Variants in SORCS2 observed in about 807,000 individuals in gnomAD.
SORCS2 encodes VPS10 domain-containing receptor SorCS2.
Under a neutral mutation model 141.6 loss-of-function variants are expected in SORCS2, and 100 were observed. The ratio of observed to expected loss-of-function variants is 0.71; its 90% CI spans 0.60 to 0.83. The LOEUF (loss-of-function observed/expected upper bound fraction) is 0.83, where lower values mean the gene tolerates loss of function less well. Ranked by LOEUF, SORCS2 falls within the 40% of genes least tolerant of loss-of-function variation. SORCS2 has a pLI of 0.00. For synonymous variants in SORCS2, 789 were observed against 676.9 expected (o/e 1.17, Z -2.57); for missense variants, 1,646 against 1,560.2 (o/e 1.05, Z -0.93).
chr4:7,426,377 C>T (rs538926054), intron 2 of SORCS2, among the ~76,000 whole-genome samples: 67 of 151,100 alleles, frequency 4.4e-4, no homozygotes, highest in Admixed American at 1.3e-3. Flanking sequence ...GCCTTCCCAG[C>T]ACACACTGCC....
intron 2 of SORCS2, among the ~76,000 whole-genome samples, chr4:7,454,272 G>GGT (rs1448843347): frequency 7.9e-6 from 1 of 126,708 alleles, no homozygotes; most frequent in Admixed American, 8.3e-5. Context: ...GTTGGGGTCA[G>GGT]GCTCCGTGTT....
At chr4:7,532,964 T>C (rs540267041) in intron 3 of SORCS2, among the ~76,000 whole-genome samples, 2 of 152,068 alleles carry the variant, frequency 1.3e-5, no homozygotes, top group East Asian at 3.9e-4. Flanking sequence ...TGGAAGGCCA[T>C]GTCTCGGCGT....
chr4:7,333,267 T>C (rs2108971151), intron 1 of SORCS2, among the ~76,000 whole-genome samples: 1 of 152,322 alleles, frequency 6.6e-6, no homozygotes, highest in African/African-American at 2.4e-5. Flanking sequence ...TGTTGCTTCC[T>C]CTGCCCCGGG....
intron 3 of SORCS2, among the ~76,000 whole-genome samples, chr4:7,550,132 ATGTGTGTGTGTGTG>A (rs36213889): frequency 7.0e-6 from 1 of 142,222 alleles, no homozygotes; most frequent in South Asian, 2.2e-4. Flanking sequence ...GTATGTGTGT[ATGTGTGTGTGTGTG>A]TGTGTGTGTG....
chr4:7,403,961 G>GTATGTATATATATATATATA (rs1724757831), intron 2 of SORCS2, among the ~76,000 whole-genome samples: 2 of 29,892 alleles, frequency 6.7e-5, no homozygotes, highest in African/African-American at 2.1e-4. Flanking sequence ...CTCCATGTGT[G>GTATGTATATATATATATATA]TATATATATA....
At chr4:7,688,451 C>G (rs1186756046) in intron 10 of SORCS2, among the ~76,000 whole-genome samples, 4 of 152,172 alleles carry the variant, frequency 2.6e-5, no homozygotes, top group African/African-American at 9.7e-5. Flanking sequence ...GTTTACCATT[C>G]TTATCAGTAA....
Position 7,239,333 on chromosome 4 carries a change from C to T in SORCS2, c.480+46207C>T, listed in dbSNP as rs543570378. Among the ~76,000 whole-genome samples the T allele has an allele frequency of 5.9e-5, 9 of 152,342 alleles. 1 individual carries two copies. The South Asian group carries it at 8.3e-4, about 14-fold the overall frequency. On this transcript the variant is annotated intron_variant, in intron 1 of 26. Coordinates refer to ENST00000507866, the MANE Select transcript of SORCS2 (RefSeq NM_020777.3). ...GCAGGGCTGTGGCCGGGAGGGCCCC[C>T]GACCTCCTTTGGACTGCCAGGAGCA...
At position 7,548,633 on chromosome 4, in the gene SORCS2, C is replaced by T. The variant is rs553559703; in HGVS notation, c.648+17004C>T. 4.6e-5 allele frequency among the ~76,000 whole-genome samples: 7 copies of T among 152,194 alleles called. No homozygotes were observed. In the South Asian group the frequency reaches 1.5e-3, roughly 32 times the overall value. ...GGGCATCTTGTGCCAGAGGGCGGCT[C>T]ACAGTCATGTGACAGTGTGCCTCAC... On this transcript the variant is annotated intron_variant, in intron 3 of 26. Transcript: ENST00000507866.
At position 7,192,849 on chromosome 4, in the gene SORCS2, C is replaced by T. The variant is rs944049171; in HGVS notation, c.203C>T (p.Pro68Leu). ...CCTCACGCCCAACTGACCCGGGTGC[C>T]GCGGAGCCCTCCCGCGGGGCGCGCG... ...LGPHAQLTRV[P>L]RSPPAGRAEP... The change falls in exon 1 of 27, where the codon CCG becomes CTG. Residue 68 changes from proline (P) to leucine (L), a missense_variant. Transcript: ENST00000507866. This position sits in a 1 kb window ranked among gnomAD's most constrained non-coding sequence, Gnocchi z 4.0. 9.5e-7 allele frequency: 1 copy of T among 1,048,538 alleles called. No individual in the cohort carries two copies. The highest frequency in any genetic ancestry group is 1.7e-5 in the African/African-American group (1 of 58,346). The allele number at this position is 1,048,538 out of a possible 1,614,324, so 65.0% of individuals were successfully genotyped here. A position where few individuals can be genotyped will look rare whatever the true frequency, so the allele number is the denominator to read the frequency against.
chr4:7,423,175 C>G (rs549783798), intron 2 of SORCS2, among the ~76,000 whole-genome samples: 1 of 152,290 alleles, frequency 6.6e-6, no homozygotes, highest in African/African-American at 2.4e-5. Flanking sequence ...GGCTCTGACT[C>G]CGTGCTGTTT....
In SORCS2 at chr4:7,678,275, C is replaced by T. The variant is rs539344685; in HGVS notation, c.1341+2046C>T. Among the ~76,000 whole-genome samples, 24 of 150,018 alleles carry T rather than the reference C, an allele frequency of 1.6e-4. No homozygotes were observed. The South Asian group carries it at 3.0e-3, about 18-fold the overall frequency. ...AGGAACTCAGAGCCACACACACAGG[C>T]ATCAAGGCGAGAGGAAGCAAGGAGC... On this transcript the variant is annotated intron_variant, in intron 9 of 26. Transcript: ENST00000507866.
At chr4:7,731,997 T>C (rs1442332796) in intron 23 of SORCS2, among the ~76,000 whole-genome samples, 1 of 152,104 alleles carries the variant, frequency 6.6e-6, no homozygotes, top group African/African-American at 2.4e-5. Context: ...AAACAATCAG[T>C]GGAGTGAAGA....
intron 1 of SORCS2, among the ~76,000 whole-genome samples, chr4:7,206,306 TG>T (rs1189206741): frequency 6.6e-6 from 1 of 152,160 alleles, no homozygotes; most frequent in Non-Finnish European, 1.5e-5. Flanking sequence ...CCCAAGCGCC[TG>T]GTGCTTAGTA....
At chr4:7,651,768 C>G (rs1355722473) in intron 4 of SORCS2, among the ~76,000 whole-genome samples, 1 of 152,236 alleles carries the variant, frequency 6.6e-6, no homozygotes, top group African/African-American at 2.4e-5. Context: ...GGCCTTGACC[C>G]CCGCAGGGCC....
intron 1 of SORCS2, among the ~76,000 whole-genome samples, chr4:7,375,824 T>C (rs2109056427): frequency 6.6e-6 from 1 of 152,334 alleles, no homozygotes; most frequent in African/African-American, 2.4e-5. Context: ...CTGGGGTTTG[T>C]GTCGAGTGCA....
Position 7,740,726 on chromosome 4 carries a change from C to A in SORCS2, c.*462C>A, listed in dbSNP as rs1214078656. On this transcript the variant is annotated 3_prime_UTR_variant, in exon 27 of 27. Transcript: ENST00000507866. ...TTCTTCACTCCCACCTGTGCGGCCA[C>A]CCAGTCCCTCTGTGGGAGCCCGGGT... is the stretch of plus-strand genomic sequence containing the variant. 2 of 305,588 alleles carry A rather than the reference C, an allele frequency of 6.5e-6. No homozygotes were observed. The highest frequency in any genetic ancestry group is 9.3e-5 in the Admixed American group (2 of 21,524). 18.9% of individuals were successfully genotyped at this position (305,588 alleles called of 1,614,324 possible).
rs534481560 is a variant in SORCS2, at chr4:7,267,604, G to A, written c.480+74478G>A. Among the ~76,000 whole-genome samples, 10 of 152,326 alleles carry A rather than the reference G, an allele frequency of 6.6e-5. No individual in the cohort carries two copies. The South Asian group carries it at 1.9e-3, about 28-fold the overall frequency. On this transcript the variant is annotated intron_variant, in intron 1 of 26. Coordinates refer to ENST00000507866, the MANE Select transcript of SORCS2 (RefSeq NM_020777.3). The stretch of plus-strand genomic sequence containing the variant: ...CCAGCACTTTGGGAGGCTGAGGCAG[G>A]CAGATCACCCGAGGTCAGGAGTTCG...
chr4:7,498,360 C>T lies in SORCS2; in HGVS notation c.549-33170C>T, dbSNP rs1206160297. Among the ~76,000 whole-genome samples the T allele has an allele frequency of 2.0e-5, 3 of 152,318 alleles. No individual in the cohort carries two copies. In the East Asian group the frequency reaches 5.8e-4, roughly 29 times the overall value. On this transcript the variant is annotated intron_variant, in intron 2 of 26. Transcript: ENST00000507866. ...GAGGCCCAGAGTGGGAGCACCTGCCCAGAGGCTGTGTTCCTTAAGTAACTT... is the reference window on the plus strand; with the variant it reads ...GAGGCCCAGAGTGGGAGCACCTGCCTAGAGGCTGTGTTCCTTAAGTAACTT...
At position 7,734,285 on chromosome 4, in the gene SORCS2, G is replaced by A. The variant is rs1198915471; in HGVS notation, c.3222G>A (p.Leu1074=). ...CTTTGCTTGCAGGTGCTGAGCAGCT[G>A]GGCGGCGGTGGCGGCTACTGGGCGG... ...LRDTGTGAEQ[L]GGGGGYWAVV... is the part of the protein sequence containing the mutation. Residue 1074 remains leucine (L), a synonymous_variant, in exon 25 of 27, where the codon CTG becomes CTA. Coordinates refer to ENST00000507866, the MANE Select transcript of SORCS2 (RefSeq NM_020777.3). The A allele has an allele frequency of 6.2e-7, 1 of 1,601,416 alleles. No individual in the cohort carries two copies. Among genetic ancestry groups the A allele is most frequent in the Admixed American group, 1.7e-5 (1 of 58,658 alleles).
Sources: allele counts gnomAD v4.1 joint callset (sites outside exome capture counted in the v4.1 genomes callset), GRCh38; gene constraint gnomAD v4.1.1; non-coding constraint Gnocchi (gnomAD v3.1); transcripts MANE v1.5; gene names NCBI Gene and HGNC (gene_info 2026-07-23, HGNC 2026-07-21).